The following STK38L variants were observed in gnomAD, a reference collection of about 807,000 sequenced individuals.
STK38L encodes serine/threonine kinase 38 like, also known as serine/threonine-protein kinase 38-like.
In STK38L, 28 loss-of-function variants were observed where a neutral mutation model predicts 59.7. The ratio of observed to expected loss-of-function variants is 0.47; its 90% CI spans 0.35 to 0.64. The LOEUF (loss-of-function observed/expected upper bound fraction) is 0.64, where lower values mean the gene tolerates loss of function less well. Among genes scored for constraint, STK38L ranks in the 30% least tolerant of loss-of-function variants. STK38L has a pLI of 0.01. For missense variants in STK38L, 314 were observed against 555.8 expected (o/e 0.56, Z 4.37); for synonymous variants, 162 against 176.8 (o/e 0.92, Z 0.66).
intron 1 of STK38L, among the ~76,000 whole-genome samples, chr12:27,272,700 A>G (rs1943449993): frequency 1.3e-5 from 2 of 152,092 alleles, no homozygotes; most frequent in African/African-American, 4.8e-5. Flanking sequence ...CTTAGAAGAA[A>G]TTATCCCCCC....
At chr12:27,273,590 T>G (rs990933480) in intron 1 of STK38L, among the ~76,000 whole-genome samples, 4 of 152,194 alleles carry the variant, frequency 2.6e-5, no homozygotes, top group Non-Finnish European at 5.9e-5. Context: ...TATGAATTAT[T>G]TATTTTTATT....
At chr12:27,309,078 G>A (rs1480850138) in intron 4 of STK38L, 36 bp from the exon 5 acceptor site, 2 of 1,456,568 alleles carry the variant, frequency 1.4e-6, no homozygotes, top group East Asian at 5.1e-5. Flanking sequence ...ACAAATAGTA[G>A]TGACTGTTTT....
At chr12:27,317,244 T>G (rs941545739) in intron 9 of STK38L, 92 bp from the exon 10 acceptor site, 22 of 858,778 alleles carry the variant, frequency 2.6e-5, no homozygotes, top group Non-Finnish European at 5.6e-6. Flanking sequence ...ATTTAACTCC[T>G]CTATATATTG....
At chr12:27,268,035 T>C (rs1447506392) in intron 1 of STK38L, among the ~76,000 whole-genome samples, 2 of 152,252 alleles carry the variant, frequency 1.3e-5, no homozygotes, top group Non-Finnish European at 2.9e-5. Context: ...TATCATTGTA[T>C]TACCATTGTA....
At chr12:27,278,122 T>C (rs1353789962) in intron 1 of STK38L, among the ~76,000 whole-genome samples, 1 of 152,208 alleles carries the variant, frequency 6.6e-6, no homozygotes, top group African/African-American at 2.4e-5. Flanking sequence ...TGATCTAGAG[T>C]AGCTGCTGCA....
At chr12:27,306,064 T>A (rs78363253) in intron 3 of STK38L, among the ~76,000 whole-genome samples, 1,887 of 152,338 alleles carry the variant, frequency 0.012, 44 homozygotes, top group African/African-American at 0.043. Context: ...CAATTTTTTT[T>A]AACTAATGTA....
Position 27,324,662 on chromosome 12 carries a change from G to A in STK38L, c.*2207G>A, listed in dbSNP as rs988249589. 6.6e-6 allele frequency: 1 copy of A among 152,036 alleles called. No individual in the cohort carries two copies. The highest frequency in any genetic ancestry group is 1.5e-5 in the Non-Finnish European group (1 of 67,930). The allele number at this position is 152,036 out of a possible 1,614,324, so 9.4% of individuals were successfully genotyped here. ...GTTCTGGAAAGCTACTTTGTTGAGA[G>A]TCTCATTCTTCCCTGGAGTTAATAG... On this transcript the variant is annotated 3_prime_UTR_variant, in exon 14 of 14. Transcript: ENST00000389032.
At chr12:27,300,528 T>C (rs943222435) in intron 2 of STK38L, 6 of 455,976 alleles carry the variant, frequency 1.3e-5, no homozygotes, top group Middle Eastern at 3.2e-4. Context: ...ATAATGGTCC[T>C]CTTACTCTCT....
intron 11 of STK38L, among the ~76,000 whole-genome samples, chr12:27,319,001 G>A (rs987059439): frequency 2.9e-4 from 43 of 150,790 alleles, no homozygotes; most frequent in African/African-American, 1.0e-3. Flanking sequence ...ACAAACAAAC[G>A]AAAAAAAAAT....
At position 27,325,547 on chromosome 12, in the gene STK38L, G is replaced by A. The variant is rs1170690410; in HGVS notation, c.*3092G>A. 6.6e-6 allele frequency: 1 copy of A among 152,066 alleles called. No individual in the cohort carries two copies. Among genetic ancestry groups the A allele is most frequent in the Non-Finnish European group, 1.5e-5 (1 of 67,966 alleles). 9.4% of individuals were successfully genotyped at this position (152,066 alleles called of 1,614,324 possible). Reference sequence around the variant, plus strand: ...CTGGCTACCAAACACATTCTCCTTTGAATTGTTAAAATTCAGAACATTCAA... The same window carrying A: ...CTGGCTACCAAACACATTCTCCTTTAAATTGTTAAAATTCAGAACATTCAA... On this transcript the variant is annotated 3_prime_UTR_variant, in exon 14 of 14. Transcript: ENST00000389032.
chr12:27,292,412 C>T (rs982486339), intron 1 of STK38L, among the ~76,000 whole-genome samples: 2 of 152,112 alleles, frequency 1.3e-5, no homozygotes, highest in African/African-American at 4.8e-5. Flanking sequence ...CTAAACTATA[C>T]AAGATATTGT....
At chr12:27,312,325 T>C (rs1944475189) in intron 5 of STK38L, among the ~76,000 whole-genome samples, 2 of 152,250 alleles carry the variant, frequency 1.3e-5, no homozygotes, top group African/African-American at 4.8e-5. Flanking sequence ...TCACGTAATA[T>C]ACCTGTTGAC....
intron 1 of STK38L, among the ~76,000 whole-genome samples, chr12:27,259,807 A>G (rs987298689): frequency 1.3e-5 from 2 of 152,102 alleles, no homozygotes; most frequent in African/African-American, 4.8e-5. Flanking sequence ...CATTGTGGAC[A>G]TTTTACTTCC....
intron 1 of STK38L, among the ~76,000 whole-genome samples, chr12:27,246,256 T>C (rs1452808220): frequency 2.0e-5 from 3 of 152,158 alleles, no homozygotes; most frequent in Non-Finnish European, 4.4e-5. Flanking sequence ...AGAGCATCAT[T>C]GTGTTAGTGA....
At chr12:27,264,714 A>C (rs1943267831) in intron 1 of STK38L, among the ~76,000 whole-genome samples, 1 of 152,194 alleles carries the variant, frequency 6.6e-6, no homozygotes, top group African/African-American at 2.4e-5. Flanking sequence ...ATATAGGAGG[A>C]TGTGTGTAGG....
At chr12:27,305,768 A>G (rs991599050) in intron 3 of STK38L, among the ~76,000 whole-genome samples, 1 of 152,218 alleles carries the variant, frequency 6.6e-6, no homozygotes, top group African/African-American at 2.4e-5. Context: ...AGAAAATCCC[A>G]TCCAACATGG....
At chr12:27,276,784 A>T (rs961383973) in intron 1 of STK38L, among the ~76,000 whole-genome samples, 2 of 152,226 alleles carry the variant, frequency 1.3e-5, no homozygotes, top group Admixed American at 6.5e-5. Context: ...GGAGAAAAAT[A>T]CAAGGAACAT....
chr12:27,313,009 G>A (rs1476981165), intron 6 of STK38L, among the ~76,000 whole-genome samples: 1 of 152,198 alleles, frequency 6.6e-6, no homozygotes, highest in Admixed American at 6.5e-5. Context: ...AGCACTTTGG[G>A]AGGCCGAGGC....
intron 1 of STK38L, among the ~76,000 whole-genome samples, chr12:27,286,831 A>G (rs554871714): frequency 1.3e-5 from 2 of 152,286 alleles, no homozygotes; most frequent in South Asian, 2.1e-4. Context: ...AACAGACTGG[A>G]CCTCACTAAG....
Sources: allele counts gnomAD v4.1 joint callset (sites outside exome capture counted in the v4.1 genomes callset), GRCh38; gene constraint gnomAD v4.1.1; transcripts MANE v1.5; gene names NCBI Gene and HGNC (gene_info 2026-07-23, HGNC 2026-07-21).